CACNA1G: variants seen among roughly 807,000 people sequenced by gnomAD.
CACNA1G encodes the protein calcium voltage-gated channel subunit alpha1 G.
A neutral mutation model predicts 219.4 loss-of-function variants in CACNA1G; 67 were observed. The ratio of observed to expected loss-of-function variants is 0.31; its 90% CI spans 0.25 to 0.37. The LOEUF (loss-of-function observed/expected upper bound fraction) is 0.37, where lower values mean the gene tolerates loss of function less well. Ranked by LOEUF, CACNA1G falls within the 10% of genes least tolerant of loss-of-function variation. The pLI is 1.00. For synonymous variants in CACNA1G, 1,296 were observed against 1,345.3 expected, an observed-to-expected ratio of 0.96 and a Z score of 0.80; for missense variants, 2,380 against 3,231.4, an observed-to-expected ratio of 0.74 and a Z score of 6.39.
chr17:50,606,054 G>C lies in CACNA1G; in HGVS notation c.4422+31G>C, dbSNP rs59226503. ...CCCCAGGCTCAGAGGTGGGGCTGTGGTGAAGGAGGCTGGAGGGGGCACAGG... is the reference window on the plus strand; with the variant it reads ...CCCCAGGCTCAGAGGTGGGGCTGTGCTGAAGGAGGCTGGAGGGGGCACAGG... On this transcript the variant is annotated intron_variant, in intron 23 of 37. Transcript: ENST00000359106. The C allele has an allele frequency of 4.9e-3, 7,967 of 1,613,870 alleles. 33 individuals are homozygous for C. Among genetic ancestry groups the C allele is most frequent in the Middle Eastern group, 0.011 (68 of 6,060 alleles).
chr17:50,598,447 C>T (rs2045985372), intron 16 of CACNA1G, among the ~76,000 whole-genome samples: 1 of 152,246 alleles, frequency 6.6e-6, no homozygotes, highest in South Asian at 2.1e-4. Flanking sequence ...ATACTGATTT[C>T]AAATCCTTTG....
intron 6 of CACNA1G, 44 bp downstream of exon 6, chr17:50,572,898 CCAGGACA>C (rs766531512): frequency 6.3e-7 from 1 of 1,596,166 alleles, no homozygotes; most frequent in South Asian, 1.1e-5. Flanking sequence ...AACACCAGCC[CCAGGACA>C]CAGCCCAGGA....
At position 50,618,733 on chromosome 17, in the gene CACNA1G, C is replaced by T. The variant is rs747015052; in HGVS notation, c.5506C>T (p.Leu1836=). Residue 1836 remains leucine, a synonymous_variant, in exon 33 of 38, where the codon CTG becomes TTG. Transcript: ENST00000359106. This position sits in a 1 kb window ranked among gnomAD's most constrained non-coding sequence, Gnocchi z 5.3. ...ISPIYFVSFV[L]TAQFVLVNVV... is the part of the protein sequence containing the mutation. ...GCCTATCTACTTTGTGTCCTTCGTG[C>T]TGACGGCCCAGTTCGTGCTAGTCAA... The T allele has an allele frequency of 1.4e-5, 22 of 1,613,982 alleles. No individual in the cohort carries two copies. The highest frequency in any genetic ancestry group is 1.8e-5 in the Non-Finnish European group (21 of 1,179,884).
chr17:50,568,362 T>A (rs1269036255), intron 1 of CACNA1G, among the ~76,000 whole-genome samples: 1 of 152,188 alleles, frequency 6.6e-6, no homozygotes, highest in Non-Finnish European at 1.5e-5. Flanking sequence ...GAAAATGATC[T>A]ACCCCAGATA....
chr17:50,604,007 G>A, intron 21 of CACNA1G, 148 bp from the exon 22 acceptor site: 1 of 687,954 alleles, frequency 1.5e-6, no homozygotes, highest in Non-Finnish European at 2.2e-6. Context: ...CCTGATGGCA[G>A]GGGTCCCATG....
intron 26 of CACNA1G, 28 bp from the exon 27 acceptor site, chr17:50,615,333 T>C: frequency 6.5e-7 from 1 of 1,550,074 alleles, no homozygotes; most frequent in Non-Finnish European, 8.8e-7. Flanking sequence ...GCCTGACGCT[T>C]GCTCTGCTCT....
At chr17:50,616,867 T>C (rs2050708134) in intron 28 of CACNA1G, among the ~76,000 whole-genome samples, 1 of 152,220 alleles carries the variant, frequency 6.6e-6, no homozygotes, top group African/African-American at 2.4e-5. Flanking sequence ...TTTGTTTTGT[T>C]TTGTTTTCTG....
Position 50,560,982 on chromosome 17 carries a change from G to T in CACNA1G, c.-478G>T, listed in dbSNP as rs1429532493. The T allele has an allele frequency of 3.9e-5, 5 of 127,350 alleles. No homozygotes were observed. Among genetic ancestry groups the T allele is most frequent in the Non-Finnish European group, 7.2e-5 (5 of 69,862 alleles). 7.9% of individuals were successfully genotyped at this position (127,350 alleles called of 1,614,324 possible). A position where few individuals can be genotyped will look rare whatever the true frequency, so the allele number is the denominator to read the frequency against. The stretch of plus-strand genomic sequence containing the variant: ...GAGATCCCTCCTCCCCTCCCCCGCC[G>T]CCTGGCGCGGAGCCGGGACGATGCT... On this transcript the variant is annotated 5_prime_UTR_variant, in exon 1 of 38. Transcript: ENST00000359106.
intron 22 of CACNA1G, among the ~76,000 whole-genome samples, chr17:50,605,051 G>C (rs1315646153): frequency 1.3e-5 from 2 of 152,082 alleles, no homozygotes; most frequent in East Asian, 3.9e-4. Flanking sequence ...GAACAGGCTG[G>C]GGTGCATTTA....
At chr17:50,572,494 G>A in intron 5 of CACNA1G, 60 bp from the exon 6 acceptor site, 5 of 1,400,744 alleles carry the variant, frequency 3.6e-6, no homozygotes, top group Non-Finnish European at 4.8e-6. Context: ...CCCTTCCTGG[G>A]CCCTCTCCCT....
Position 50,626,827 on chromosome 17 carries a change from G to T in CACNA1G, c.*76G>T. On this transcript the variant is annotated 3_prime_UTR_variant, in exon 38 of 38. Coordinates refer to ENST00000359106, the MANE Select transcript of CACNA1G (RefSeq NM_018896.5). The surrounding 1 kb of genome is among the most constrained non-coding windows in gnomAD (Gnocchi z 4.3). ...GCTCCTCCTCCTGGGCTATATTCCTGACAAAAGTTCCATATAGACACCAAG... is the reference window on the plus strand; with the variant it reads ...GCTCCTCCTCCTGGGCTATATTCCTTACAAAAGTTCCATATAGACACCAAG... 1 of 1,595,300 alleles carries T rather than the reference G, an allele frequency of 6.3e-7. No homozygotes were observed. Among genetic ancestry groups the T allele is most frequent in the Non-Finnish European group, 8.6e-7 (1 of 1,164,476 alleles).
chr17:50,581,782 G>T (rs1395365813), intron 9 of CACNA1G, among the ~76,000 whole-genome samples: 1 of 152,262 alleles, frequency 6.6e-6, no homozygotes, highest in Non-Finnish European at 1.5e-5. Context: ...GATCTGATAT[G>T]GGGCCAGCCT....
At position 50,576,151 on chromosome 17, in the gene CACNA1G, T is replaced by C; in HGVS notation, c.1749T>C (p.Thr583=). 1.2e-6 allele frequency: 2 copies of C among 1,608,744 alleles called. No homozygotes were observed. Among genetic ancestry groups the C allele is most frequent in the African/African-American group, 1.3e-5 (1 of 74,976 alleles). ...PRSPSEASGR[T]VGSGKVYPTV... ...CCCCATCTGAGGCATCCGGCAGGAC[T>C]GTGGGCAGCGGGAAGGTGTATCCCA... is the stretch of plus-strand genomic sequence containing the variant. Residue 583 remains threonine (T), a synonymous_variant, in exon 8 of 38, where the codon ACT becomes ACC. Transcript: ENST00000359106.
intron 37 of CACNA1G, among the ~76,000 whole-genome samples, chr17:50,625,378 A>C (rs1209339944): frequency 1.3e-5 from 2 of 152,220 alleles, no homozygotes; most frequent in African/African-American, 4.8e-5. Flanking sequence ...TCATTCTGCA[A>C]ATAGTCACTA....
intron 24 of CACNA1G, chr17:50,607,364 G>A: frequency 2.8e-6 from 1 of 362,254 alleles, no homozygotes; most frequent in South Asian, 2.2e-5. Context: ...CAATTAGCCG[G>A]GTGTGGTGGT....
chr17:50,613,705 G>A (rs953652555), intron 26 of CACNA1G, among the ~76,000 whole-genome samples: 10 of 152,234 alleles, frequency 6.6e-5, no homozygotes, highest in African/African-American at 2.4e-4. Flanking sequence ...ATGGGATCGG[G>A]TGCTCTCGGC....
intron 33 of CACNA1G, among the ~76,000 whole-genome samples, chr17:50,619,434 G>A (rs1049032598): frequency 1.3e-5 from 2 of 151,660 alleles, no homozygotes; most frequent in Non-Finnish European, 2.9e-5. Context: ...CCCCGCCGTG[G>A]GCTCTGCTCA....
chr17:50,596,907 A>G lies in CACNA1G; in HGVS notation c.3242A>G (p.His1081Arg). The part of the protein sequence containing the change: ...SSGSAEPGAA[H>R]EMKSPPSARS... ...GGGTCGGCAGAGCCTGGGGCGGCCC[A>G]CGAGATGAAGTCACCGGTAGGGGGT... is the stretch of plus-strand genomic sequence containing the variant. Residue 1081 changes from histidine to arginine, a missense_variant, in exon 16 of 38, where the codon CAC (histidine) becomes CGC (arginine). Around this residue, in one of 17 missense-constraint regions of CACNA1G, gnomAD observed 418 missense variants for 434.3 expected, o/e 0.96. Coordinates refer to ENST00000359106, the MANE Select transcript of CACNA1G (RefSeq NM_018896.5). The surrounding 1 kb of genome is among the most constrained non-coding windows in gnomAD (Gnocchi z 4.8). The G allele has an allele frequency of 1.3e-6, 2 of 1,565,942 alleles. No homozygotes were observed. The highest frequency in any genetic ancestry group is 1.7e-6 in the Non-Finnish European group (2 of 1,155,428).
At chr17:50,606,180 C>A in intron 23 of CACNA1G, 157 bp downstream of exon 23, 2 of 1,052,064 alleles carry the variant, frequency 1.9e-6, no homozygotes, top group South Asian at 1.3e-5. Context: ...TGTCGCAAAG[C>A]CCAGTCCATC....
Sources: gnomAD v4.1 joint callset for allele counts (sites outside exome capture counted in the v4.1 genomes callset) on GRCh38, gnomAD v4.1.1 for gene constraint, gnomAD v4.1.1 regional missense constraint, Gnocchi (gnomAD v3.1) non-coding constraint, MANE v1.5 for transcripts, NCBI Gene and HGNC (gene_info 2026-07-23, HGNC 2026-07-21) for gene names.